ZNF195: variants seen among roughly 807,000 people sequenced by gnomAD.
The protein encoded by ZNF195 is zinc finger protein 195.
ZNF195 carries 11 observed loss-of-function variants against 19.5 expected under a neutral mutation model. The observed-to-expected ratio is 0.57, with a 90% CI of 0.36 to 0.94. ZNF195 has a LOEUF of 0.94. Among genes scored for constraint, ZNF195 ranks in the 40% least tolerant of loss-of-function variants. The pLI is 0.01. For missense variants in ZNF195, 582 were observed against 709.0 expected (o/e 0.82, Z 2.03); for synonymous variants, 214 against 248.1 (o/e 0.86, Z 1.29).
At chr11:3,363,027 A>T (rs1208592681) in intron 3 of ZNF195, among the ~76,000 whole-genome samples, 2 of 152,204 alleles carry the variant, frequency 1.3e-5, no homozygotes. Context: ...AAAAACAAGA[A>T]CATAAAACAG....
intron 3 of ZNF195, among the ~76,000 whole-genome samples, chr11:3,370,713 G>T (rs1849163303): frequency 6.6e-6 from 1 of 152,220 alleles, no homozygotes; most frequent in South Asian, 2.1e-4. Flanking sequence ...GACCACACAG[G>T]CCCTTACTCG....
chr11:3,360,770 A>T lies in ZNF195; in HGVS notation c.392T>A (p.Val131Glu), dbSNP rs1167402284. 4 of 1,551,508 alleles carry T rather than the reference A, an allele frequency of 2.6e-6. No homozygotes were observed. The highest frequency in any genetic ancestry group is 3.5e-6 in the Non-Finnish European group (4 of 1,146,940). The change falls in exon 5 of 6, where the codon GTG becomes GAG. Residue 131 changes from valine to glutamate, a missense_variant. Coordinates refer to ENST00000399602, the MANE Select transcript of ZNF195 (RefSeq NM_001130520.3). The part of the protein sequence containing the change: ...DKFTALCSPG[V>E]LQTVKWFLEF... ...TAAAAACCATTTCACAGTTTGCAGC[A>T]CCCCAGGTGAGCACAGTGCTAGGAG...
At chr11:3,374,891 C>T (rs1289715640) in intron 1 of ZNF195, among the ~76,000 whole-genome samples, 4 of 152,184 alleles carry the variant, frequency 2.6e-5, no homozygotes, top group Admixed American at 6.5e-5. Flanking sequence ...TTGCTGGATA[C>T]GATGTCTCTA....
At chr11:3,367,620 A>G (rs1298629853) in intron 3 of ZNF195, among the ~76,000 whole-genome samples, 1 of 152,168 alleles carries the variant, frequency 6.6e-6, no homozygotes, top group Non-Finnish European at 1.5e-5. Context: ...GCTGCCATCC[A>G]ACTTTTAGAA....
intron 1 of ZNF195, among the ~76,000 whole-genome samples, chr11:3,376,582 G>A (rs1849478111): frequency 6.6e-6 from 1 of 152,080 alleles, no homozygotes; most frequent in Non-Finnish European, 1.5e-5. Context: ...ACCCAGTGTT[G>A]GAAACATCCA....
At chr11:3,374,351 C>T (rs1379242547) in intron 1 of ZNF195, among the ~76,000 whole-genome samples, 2 of 152,162 alleles carry the variant, frequency 1.3e-5, no homozygotes, top group African/African-American at 4.8e-5. Context: ...AAGAAAGCAG[C>T]CCCAGCACAG....
intron 1 of ZNF195, among the ~76,000 whole-genome samples, chr11:3,378,377 T>TAA (rs35553440): frequency 4.3e-4 from 64 of 150,002 alleles, no homozygotes; most frequent in East Asian, 1.8e-3. Context: ...GTTCTTAGGT[T>TAA]AAAAAAAAAA....
Position 3,358,983 on chromosome 11 carries a change from G to C in ZNF195, c.*135C>G, listed in dbSNP as rs1848500710. 8.7e-7 allele frequency: 1 copy of C among 1,147,114 alleles called. No individual in the cohort carries two copies. The highest frequency in any genetic ancestry group is 3.5e-5 in the Admixed American group (1 of 28,798). 71.1% of individuals were successfully genotyped at this position (1,147,114 alleles called of 1,614,324 possible). Reference sequence around the variant, plus strand: ...AAGAAATACTCTTGTGTGCTCTGGAGACTTATATTTCATGAAAGGTCTTTC... The same window carrying C: ...AAGAAATACTCTTGTGTGCTCTGGACACTTATATTTCATGAAAGGTCTTTC... On this transcript the variant is annotated 3_prime_UTR_variant, in exon 6 of 6. Transcript: ENST00000399602.
rs1848560136 is a variant in ZNF195 at position 3,360,188 on chromosome 11, A to G, written c.820T>C (p.Cys274Arg). Residue 274 changes from cysteine (C) to arginine (R), a missense_variant, in exon 6 of 6, where the codon TGT (cysteine) becomes CGT (arginine). Physicochemically the swap from Cys to Arg is radical, Grantham distance 180. This residue lies in a region of ZNF195 where 407 missense variants were observed against 530.5 expected (regional missense o/e 0.77). Coordinates refer to ENST00000399602, the MANE Select transcript of ZNF195 (RefSeq NM_001130520.3). ...KIHTGKKFQK[C>R]GECGKTFIQC... Reference sequence around the variant, plus strand: ...ATAAAGGTTTTGCCACATTCTCCACATTTTTGGAATTTTTTTCCAGTGTGA... The same window carrying G: ...ATAAAGGTTTTGCCACATTCTCCACGTTTTTGGAATTTTTTTCCAGTGTGA... 1 of 1,613,898 alleles carries G rather than the reference A, an allele frequency of 6.2e-7. No individual in the cohort carries two copies. Among genetic ancestry groups the G allele is most frequent in the Admixed American group, 1.7e-5 (1 of 60,008 alleles).
At chr11:3,362,426 CTG>C (rs1848678307) in intron 3 of ZNF195, 3 of 348,470 alleles carry the variant, frequency 8.6e-6, no homozygotes, top group African/African-American at 4.2e-5. Flanking sequence ...TCATAAATAA[CTG>C]TTAATGGATA....
intron 1 of ZNF195, among the ~76,000 whole-genome samples, chr11:3,374,661 ACT>A (rs1225915620): frequency 6.6e-6 from 1 of 152,170 alleles, no homozygotes; most frequent in African/African-American, 2.4e-5. Context: ...GTGTCCTGCA[ACT>A]CTCAAGATAT....
rs201739425 is a variant in ZNF195, at chr11:3,361,891, T to C, written c.227-2A>G. On this transcript the variant is annotated splice_acceptor_variant, in intron 3 of 5. Transcript: ENST00000399602. LOFTEE classifies it high-confidence loss of function. ...GAGTAGCATGGTGAAATCCCATCTC[T>C]ACAGAAAATACAAAAAAATTAGCTG... 1.9e-3 allele frequency: 807 copies of C among 430,660 alleles called. 3 individuals are homozygous for C. Among genetic ancestry groups the C allele is most frequent in the South Asian group, 4.7e-3 (277 of 58,484 alleles). The allele number at this position is 430,660 out of a possible 1,614,324, so 26.7% of individuals were successfully genotyped here.
chr11:3,375,122 GGAGAGTCCAGGGTGAAGCCAGACCTGGAT>G (rs1382069621), intron 1 of ZNF195, among the ~76,000 whole-genome samples: 1 of 152,186 alleles, frequency 6.6e-6, no homozygotes, highest in Non-Finnish European at 1.5e-5. Context: ...CTCTGTCGGA[GGAGAGTCCAGGGTGAAGCCAGACCTGGAT>G]GAGACTCAGA....
rs779242782 is a variant in ZNF195, at chr11:3,360,202, T to A, written c.806A>T (p.Lys269Ile). Residue 269 changes from lysine to isoleucine, a missense_variant, in exon 6 of 6, where the codon AAA becomes ATA. By Grantham distance (102) the Lys-to-Ile change is moderately radical. This residue lies in a region of ZNF195 where 407 missense variants were observed against 530.5 expected (regional missense o/e 0.77). Coordinates refer to ENST00000399602, the MANE Select transcript of ZNF195 (RefSeq NM_001130520.3). ...LTEHQKIHTG[K>I]KFQKCGECGK... ...ACATTCTCCACATTTTTGGAATTTT[T>A]TTCCAGTGTGAATTTTCTGATGTTC... 1.4e-5 allele frequency: 23 copies of A among 1,613,960 alleles called. No individual in the cohort carries two copies. The highest frequency in any genetic ancestry group is 1.9e-5 in the Non-Finnish European group (22 of 1,179,994).
chr11:3,361,948 A>G (rs1290599232), intron 3 of ZNF195, 59 bp from the exon 4 acceptor site: 1 of 416,474 alleles, frequency 2.4e-6, no homozygotes, highest in Admixed American at 2.7e-5. Flanking sequence ...AGTCCCAACT[A>G]CTCAGAAGGC....
chr11:3,372,413 A>C (rs1488184787), intron 1 of ZNF195, among the ~76,000 whole-genome samples: 1 of 152,246 alleles, frequency 6.6e-6, no homozygotes, highest in Non-Finnish European at 1.5e-5. Flanking sequence ...AACTAATATC[A>C]ACTGTAATAG....
chr11:3,373,545 T>C, intron 1 of ZNF195: 1 of 1,505,528 alleles, frequency 6.6e-7, no homozygotes, highest in Non-Finnish European at 9.0e-7. Context: ...GGAGCAAAAG[T>C]GGACACAACC....
chr11:3,367,228 A>G (rs1230938302), intron 3 of ZNF195: 1 of 183,592 alleles, frequency 5.4e-6, no homozygotes, highest in Admixed American at 6.1e-5. Flanking sequence ...AGAAAAGTCA[A>G]ATGGGGGAAG....
chr11:3,365,652 T>A (rs1311718789), intron 3 of ZNF195, among the ~76,000 whole-genome samples: 2 of 152,188 alleles, frequency 1.3e-5, no homozygotes, highest in African/African-American at 4.8e-5. Flanking sequence ...TTAAGAACAA[T>A]AACTAGTCAA....
Sources: gnomAD v4.1 joint callset for allele counts (sites outside exome capture counted in the v4.1 genomes callset) on GRCh38, gnomAD v4.1.1 for gene constraint, gnomAD v4.1.1 regional missense constraint, MANE v1.5 for transcripts, NCBI Gene and HGNC (gene_info 2026-07-23, HGNC 2026-07-21) for gene names.